The following GRIK2 variants were observed in gnomAD, a reference collection of about 807,000 sequenced individuals.
GRIK2 encodes glutamate receptor ionotropic, kainate 2.
Under a neutral mutation model 100.3 loss-of-function variants are expected in GRIK2, and 32 were observed. That is an observed-to-expected ratio of 0.32 (90% CI 0.24 to 0.43). GRIK2 has a LOEUF of 0.43. Ranked by LOEUF, GRIK2 falls within the 20% of genes least tolerant of loss-of-function variation. GRIK2 has a pLI of 1.00. For synonymous variants in GRIK2, 417 were observed against 389.4 expected, an observed-to-expected ratio of 1.07 and a Z score of -0.83; for missense variants, 843 against 1,114.9, an observed-to-expected ratio of 0.76 and a Z score of 3.47.
chr6:101,989,456 T>A (rs532286042), intron 14 of GRIK2, among the ~76,000 whole-genome samples: 1 of 151,872 alleles, frequency 6.6e-6, no homozygotes, highest in South Asian at 2.1e-4. Context: ...ATTAGATTTT[T>A]AAATTCTTCA....
chr6:101,401,366 GCTCT>G (rs752479610), intron 2 of GRIK2, among the ~76,000 whole-genome samples: 14 of 151,920 alleles, frequency 9.2e-5, no homozygotes, highest in Non-Finnish European at 1.5e-4. Context: ...TTCCAAAAGA[GCTCT>G]CTCTCTCACA....
At chr6:101,584,447 A>C (rs1417889309) in intron 2 of GRIK2, among the ~76,000 whole-genome samples, 1 of 152,032 alleles carries the variant, frequency 6.6e-6, no homozygotes, top group East Asian at 1.9e-4. Flanking sequence ...TAATAAGACT[A>C]AAAAAGTCTG....
intron 2 of GRIK2, among the ~76,000 whole-genome samples, chr6:101,500,953 A>ATAT (rs10644545): frequency 0.6 from 91,055 of 151,504 alleles, 28,405 homozygotes; most frequent in African/African-American, 0.77. Flanking sequence ...AGTCTTATTA[A>ATAT]TATTAACAGT....
rs375675877 is a variant in GRIK2 at position 101,661,081 on chromosome 6, C to T, written c.542-15542C>T. On this transcript the variant is annotated intron_variant, in intron 4 of 16. Coordinates refer to ENST00000369134, the MANE Select transcript of GRIK2 (RefSeq NM_021956.5). ...TCTGCTGAATCTGTGCCCACAGCTG[C>T]CCCTTCCCTCAGGTGCTCTGTCTAG... Among the ~76,000 whole-genome samples the T allele has an allele frequency of 2.6e-4, 39 of 152,228 alleles. No homozygotes were observed. The East Asian group carries it at 3.3e-3, about 13-fold the overall frequency.
At chr6:101,896,214 A>G (rs976998799) in intron 12 of GRIK2, among the ~76,000 whole-genome samples, 1 of 151,748 alleles carries the variant, frequency 6.6e-6, no homozygotes, top group African/African-American at 2.4e-5. Context: ...AGTTGAATCA[A>G]TGACTTCTTT....
intron 14 of GRIK2, among the ~76,000 whole-genome samples, chr6:101,941,131 C>A (rs142858488): frequency 6.6e-6 from 1 of 152,018 alleles, no homozygotes; most frequent in East Asian, 1.9e-4. Flanking sequence ...AAATAAATTA[C>A]AATTATAACT....
intron 2 of GRIK2, among the ~76,000 whole-genome samples, chr6:101,480,271 T>C (rs1772459249): frequency 6.6e-6 from 1 of 152,142 alleles, no homozygotes; most frequent in South Asian, 2.1e-4. Flanking sequence ...TTCCTGATGA[T>C]GGTAGGAGAG....
chr6:101,762,961 G>T (rs1294942337), intron 7 of GRIK2, among the ~76,000 whole-genome samples: 1 of 152,166 alleles, frequency 6.6e-6, no homozygotes, highest in Non-Finnish European at 1.5e-5. Flanking sequence ...GCTTTTGATT[G>T]TAGATCTCCT....
At chr6:101,671,813 A>G (rs1248433493) in intron 4 of GRIK2, among the ~76,000 whole-genome samples, 2 of 152,110 alleles carry the variant, frequency 1.3e-5, no homozygotes, top group Non-Finnish European at 2.9e-5. Flanking sequence ...GTAGTGAGCC[A>G]AGATCGCGCA....
At chr6:101,653,766 C>T (rs1781929105) in intron 4 of GRIK2, among the ~76,000 whole-genome samples, 1 of 152,008 alleles carries the variant, frequency 6.6e-6, no homozygotes, top group African/African-American at 2.4e-5. Flanking sequence ...ATTACAGTTG[C>T]CTGCCACCAC....
At chr6:102,041,070 A>G (rs1770541781) in intron 15 of GRIK2, among the ~76,000 whole-genome samples, 1 of 151,598 alleles carries the variant, frequency 6.6e-6, no homozygotes, top group Admixed American at 6.6e-5. Context: ...TTAAGTCTAG[A>G]TTATATGTCA....
intron 14 of GRIK2, among the ~76,000 whole-genome samples, chr6:101,954,218 G>C (rs996748616): frequency 5.9e-5 from 9 of 152,028 alleles, no homozygotes; most frequent in Non-Finnish European, 1.5e-5. Context: ...ACTATGTCAG[G>C]TTCCCTGCAT....
At chr6:101,663,209 C>T (rs1036651735) in intron 4 of GRIK2, among the ~76,000 whole-genome samples, 7 of 152,118 alleles carry the variant, frequency 4.6e-5, no homozygotes, top group African/African-American at 1.7e-4. Context: ...CATCCTGGGA[C>T]ATAGCCAGAA....
intron 10 of GRIK2, among the ~76,000 whole-genome samples, chr6:101,851,753 C>T (rs1278004474): frequency 7.4e-6 from 1 of 135,710 alleles, no homozygotes; most frequent in African/African-American, 2.8e-5. Flanking sequence ...TACAATATAG[C>T]CCAGTGGCTA....
At chr6:101,671,261 A>G (rs1770410709) in intron 4 of GRIK2, among the ~76,000 whole-genome samples, 3 of 152,180 alleles carry the variant, frequency 2.0e-5, no homozygotes, top group Admixed American at 1.3e-4. Flanking sequence ...AATATGTGCT[A>G]TATTCCTTGA....
chr6:101,905,598 A>C (rs1788164540), intron 12 of GRIK2, among the ~76,000 whole-genome samples: 1 of 151,630 alleles, frequency 6.6e-6, no homozygotes, highest in East Asian at 1.9e-4. Context: ...AGATTATATA[A>C]ATTCATATTC....
At chr6:101,534,260 G>A (rs1046127797) in intron 2 of GRIK2, among the ~76,000 whole-genome samples, 1 of 151,654 alleles carries the variant, frequency 6.6e-6, no homozygotes, top group African/African-American at 2.4e-5. Context: ...GTTTGACATT[G>A]CTGACTAGAC....
At chr6:101,448,467 G>A (rs544373813) in intron 2 of GRIK2, among the ~76,000 whole-genome samples, 14 of 151,474 alleles carry the variant, frequency 9.2e-5, no homozygotes, top group African/African-American at 3.4e-4. Flanking sequence ...TAAGTTAGTG[G>A]GCAGTAAAGC....
intron 2 of GRIK2, among the ~76,000 whole-genome samples, chr6:101,555,726 A>G (rs950043910): frequency 1.3e-5 from 2 of 152,190 alleles, no homozygotes; most frequent in Admixed American, 6.5e-5. Context: ...TTCATGAGTC[A>G]ATCTATAAAG....
Sources: allele counts gnomAD v4.1 joint callset (sites outside exome capture counted in the v4.1 genomes callset), GRCh38; gene constraint gnomAD v4.1.1; transcripts MANE v1.5; gene names NCBI Gene and HGNC (gene_info 2026-07-23, HGNC 2026-07-21).